RBFOX1: variants seen among roughly 807,000 people sequenced by gnomAD.
The protein encoded by RBFOX1 is RNA binding protein fox-1 homolog 1.
A neutral mutation model predicts 57.7 loss-of-function variants in RBFOX1; 8 were observed. The ratio of observed to expected loss-of-function variants is 0.14; its 90% CI spans 0.08 to 0.25. The LOEUF is 0.25. Among genes scored for constraint, RBFOX1 ranks in the 10% least tolerant of loss-of-function variants. The pLI, the probability that RBFOX1 is intolerant of heterozygous loss-of-function variation, is 1.00. For synonymous variants in RBFOX1, 326 were observed against 222.4 expected, an observed-to-expected ratio of 1.47 and a Z score of -4.15; for missense variants, 611 against 548.5, an observed-to-expected ratio of 1.11 and a Z score of -1.14.
chr16:5,410,913 A>G (rs1440430068), intron 1 of RBFOX1, among the ~76,000 whole-genome samples: 1 of 152,220 alleles, frequency 6.6e-6, no homozygotes, highest in Non-Finnish European at 1.5e-5. Context: ...TACTCTTTAC[A>G]TCTTGATTGT....
At chr16:6,994,443 G>A (rs2091964217) in intron 3 of RBFOX1, among the ~76,000 whole-genome samples, 1 of 152,054 alleles carries the variant, frequency 6.6e-6, no homozygotes. Flanking sequence ...ACCACCCCCA[G>A]CTCTCTCTTT....
chr16:5,505,459 G>C (rs1357579226), intron 2 of RBFOX1, among the ~76,000 whole-genome samples: 1 of 152,158 alleles, frequency 6.6e-6, no homozygotes, highest in Non-Finnish European at 1.5e-5. Flanking sequence ...TTTAGTGTCT[G>C]AGCAACATTT....
chr16:6,884,471 GC>G (rs1353892426), intron 3 of RBFOX1, among the ~76,000 whole-genome samples: 1 of 152,092 alleles, frequency 6.6e-6, no homozygotes, highest in Admixed American at 6.6e-5. Context: ...ATTATTAGTG[GC>G]TACAAACTGT....
Position 7,061,290 on chromosome 16 carries a change from C to G in RBFOX1, c.27+9192C>G, listed in dbSNP as rs562322136. ...AAATGTTTTTTAAATGTCATCTTCA[C>G]AAGACCTGTTCCATACAGAGCTTGT... On this transcript the variant is annotated intron_variant, in intron 4 of 15. Coordinates refer to ENST00000550418, the MANE Select transcript of RBFOX1 (RefSeq NM_018723.4). 4.6e-4 allele frequency among the ~76,000 whole-genome samples: 70 copies of G among 152,292 alleles called. No homozygotes were observed. In the Middle Eastern group the frequency reaches 0.02, roughly 44 times the overall value.
chr16:5,353,480 C>G lies in RBFOX1; in HGVS notation c.219+113375C>G, dbSNP rs9923247. On this transcript the variant is annotated intron_variant, in intron 1 of 2. Coordinates refer to the RBFOX1 transcript ENST00000585867. ...TAGGACATTGACATTTTTAAACAGTCCAGTTCAGATATTTGGTGGCATATC... is the reference window on the plus strand; with the variant it reads ...TAGGACATTGACATTTTTAAACAGTGCAGTTCAGATATTTGGTGGCATATC... Among the ~76,000 whole-genome samples, 782 of 152,132 alleles carry G rather than the reference C, an allele frequency of 5.1e-3. 4 individuals carry two copies. Among genetic ancestry groups the G allele is most frequent in the African/African-American group, 0.017 (708 of 41,508 alleles).
intron 5 of RBFOX1, among the ~76,000 whole-genome samples, chr16:7,545,917 A>T (rs1198694158): frequency 6.6e-6 from 1 of 151,724 alleles, no homozygotes; most frequent in East Asian, 1.9e-4. Flanking sequence ...CTGTTTTGAG[A>T]GTCACGTGCA....
At chr16:7,147,533 A>C (rs561507394) in intron 4 of RBFOX1, among the ~76,000 whole-genome samples, 1 of 152,024 alleles carries the variant, frequency 6.6e-6, no homozygotes, top group Non-Finnish European at 1.5e-5. Flanking sequence ...TGTGTACTCA[A>C]TGGTTAGCTC....
intron 3 of RBFOX1, among the ~76,000 whole-genome samples, chr16:6,770,610 T>G (rs765305524): frequency 6.6e-6 from 1 of 152,044 alleles, no homozygotes; most frequent in Non-Finnish European, 1.5e-5. Context: ...TTTTTTTTAA[T>G]GTGAGAAAAG....
chr16:7,711,054 A>G lies in RBFOX1; in HGVS notation c.*309A>G, dbSNP rs924956329. ...GGTTTAGGGCCATATCCAGAGTGCT[A>G]TATTATGTAAATGAATTATATATGC... On this transcript the variant is annotated 3_prime_UTR_variant, in exon 16 of 16. Transcript: ENST00000550418. 7.8e-5 allele frequency: 18 copies of G among 230,628 alleles called. No homozygotes were observed. Among genetic ancestry groups the G allele is most frequent in the Non-Finnish European group, 1.3e-4 (16 of 120,616 alleles). 14.3% of individuals were successfully genotyped at this position (230,628 alleles called of 1,614,324 possible). A position where few individuals can be genotyped will look rare whatever the true frequency, so the allele number is the denominator to read the frequency against.
At chr16:7,059,975 GAGA>G (rs2053741369) in intron 4 of RBFOX1, among the ~76,000 whole-genome samples, 1 of 152,190 alleles carries the variant, frequency 6.6e-6, no homozygotes, top group Non-Finnish European at 1.5e-5. Context: ...AGCTGTGGGT[GAGA>G]AGACTGTAAA....
At chr16:7,630,209 G>C (rs2060721358) in intron 10 of RBFOX1, among the ~76,000 whole-genome samples, 1 of 152,100 alleles carries the variant, frequency 6.6e-6, no homozygotes, top group Admixed American at 6.5e-5. Flanking sequence ...GAGGCACAGA[G>C]AGGTACAGTG....
intron 2 of RBFOX1, among the ~76,000 whole-genome samples, chr16:5,569,782 C>T (rs892824496): frequency 2.6e-5 from 4 of 151,918 alleles, no homozygotes; most frequent in East Asian, 1.9e-4. Context: ...GACATCCTGC[C>T]GTGGGAATAT....
Position 6,387,225 on chromosome 16 carries a change from T to G in RBFOX1, c.-64+70168T>G, listed in dbSNP as rs143312563. 2.0e-3 allele frequency among the ~76,000 whole-genome samples: 304 copies of G among 152,288 alleles called. 2 individuals are homozygous for G. The highest frequency in any genetic ancestry group is 7.0e-3 in the African/African-American group (292 of 41,554). ...AACCACTGGCTTTCACTTACAGCCT[T>G]CATCACATCACTCACCTCCTGTAAG... On this transcript the variant is annotated intron_variant, in intron 2 of 15. Coordinates refer to ENST00000550418, the MANE Select transcript of RBFOX1 (RefSeq NM_018723.4).
At chr16:6,031,518 C>T (rs1355753502) in intron 1 of RBFOX1, among the ~76,000 whole-genome samples, 1 of 152,140 alleles carries the variant, frequency 6.6e-6, no homozygotes, top group African/African-American at 2.4e-5. Context: ...AATGTGTGTG[C>T]CTCTGTGTGT....
At chr16:6,931,375 A>G (rs751710134) in intron 3 of RBFOX1, among the ~76,000 whole-genome samples, 26 of 150,000 alleles carry the variant, frequency 1.7e-4, no homozygotes, top group Non-Finnish European at 3.4e-4. Flanking sequence ...ACATACACAT[A>G]TATACATACA....
chr16:6,487,936 G>T (rs1350548685), intron 2 of RBFOX1, among the ~76,000 whole-genome samples: 1 of 151,476 alleles, frequency 6.6e-6, no homozygotes, highest in Non-Finnish European at 1.5e-5. Flanking sequence ...GTAGTTTTTG[G>T]TTTGTTCGTT....
intron 1 of RBFOX1, among the ~76,000 whole-genome samples, chr16:6,118,815 T>A (rs1457718316): frequency 6.7e-6 from 1 of 150,208 alleles, no homozygotes; most frequent in Non-Finnish European, 1.5e-5. Context: ...CCTTCCTTCC[T>A]TCCCTCCTTC....
At chr16:6,355,183 G>A (rs948624797) in intron 2 of RBFOX1, among the ~76,000 whole-genome samples, 8 of 152,168 alleles carry the variant, frequency 5.3e-5, no homozygotes, top group African/African-American at 1.9e-4. Flanking sequence ...TGTGCAGAAC[G>A]TGCAGTCTTG....
intron 2 of RBFOX1, among the ~76,000 whole-genome samples, chr16:6,428,454 G>A (rs1247345747): frequency 6.6e-6 from 1 of 152,004 alleles, no homozygotes; most frequent in African/African-American, 2.4e-5. Flanking sequence ...TATTTATATT[G>A]TAATTTTTTA....
Sources: gnomAD v4.1 joint callset for allele counts (sites outside exome capture counted in the v4.1 genomes callset) on GRCh38, gnomAD v4.1.1 for gene constraint, MANE v1.5 for transcripts, NCBI Gene and HGNC (gene_info 2026-07-23, HGNC 2026-07-21) for gene names.